KLF12: variants seen among roughly 807,000 people sequenced by gnomAD.
The protein encoded by KLF12 is Krueppel-like factor 12.
A neutral mutation model predicts 37.8 loss-of-function variants in KLF12; 9 were observed. The ratio of observed to expected loss-of-function variants is 0.24; its 90% CI spans 0.14 to 0.42. The LOEUF is 0.42. KLF12 is among the 10% of genes least tolerant of loss of function. The pLI is 1.00. For synonymous variants in KLF12, 208 were observed against 202.1 expected, an observed-to-expected ratio of 1.03 and a Z score of -0.25; for missense variants, 411 against 516.0, an observed-to-expected ratio of 0.80 and a Z score of 1.97.
At chr13:74,071,425 A>G (rs1244853123) in intron 1 of KLF12, among the ~76,000 whole-genome samples, 1 of 152,032 alleles carries the variant, frequency 6.6e-6, no homozygotes, top group African/African-American at 2.4e-5. Context: ...AGTGGCTTCC[A>G]CCTGTCATCC....
intron 3 of KLF12, among the ~76,000 whole-genome samples, chr13:73,935,013 T>C (rs915027871): frequency 2.0e-5 from 3 of 151,562 alleles, no homozygotes; most frequent in Non-Finnish European, 4.4e-5. Context: ...GCAGTCTTGC[T>C]TTGTCATCCA....
intron 3 of KLF12, among the ~76,000 whole-genome samples, chr13:73,939,730 A>G (rs1890105795): frequency 6.6e-6 from 1 of 152,162 alleles, no homozygotes; most frequent in Non-Finnish European, 1.5e-5. Context: ...TCCATCTTCC[A>G]GGTGAGTAGG....
At chr13:74,247,124 G>T in the KLF12 span, among the ~76,000 whole-genome samples, 1 of 152,168 alleles carries the variant, frequency 6.6e-6, no homozygotes, top group East Asian at 1.9e-4. Flanking sequence ...AATAAATTGA[G>T]GGTGCAGAAA....
chr13:73,843,048 T>C (rs17061565), intron 4 of KLF12, among the ~76,000 whole-genome samples: 3,176 of 152,306 alleles, frequency 0.021, 109 homozygotes, highest in African/African-American at 0.071. Flanking sequence ...ATATGGGATG[T>C]CCTCAAATAA....
At chr13:73,761,657 GT>G (rs1879561673) in intron 6 of KLF12, among the ~76,000 whole-genome samples, 1 of 152,070 alleles carries the variant, frequency 6.6e-6, no homozygotes, top group South Asian at 2.1e-4. Context: ...ACCCCTCTGG[GT>G]TACTCATGCC....
intron 3 of KLF12, among the ~76,000 whole-genome samples, chr13:73,900,649 G>A (rs549628450): frequency 6.6e-5 from 10 of 150,866 alleles, no homozygotes; most frequent in East Asian, 1.9e-4. Flanking sequence ...AAAACTAATC[G>A]TGCATAGTAA....
intron 1 of KLF12, among the ~76,000 whole-genome samples, chr13:74,061,504 A>C (rs1057115575): frequency 6.6e-6 from 1 of 152,206 alleles, no homozygotes; most frequent in Non-Finnish European, 1.5e-5. Flanking sequence ...AATTAGACTC[A>C]TCCATCTAAT....
intron 1 of KLF12, among the ~76,000 whole-genome samples, chr13:74,073,436 G>C (rs936464975): frequency 2.6e-5 from 4 of 152,132 alleles, no homozygotes; most frequent in Non-Finnish European, 5.9e-5. Flanking sequence ...TCTAAATCCT[G>C]CTCAATGCTG....
chr13:74,069,884 T>C (rs1199241351), intron 1 of KLF12, among the ~76,000 whole-genome samples: 1 of 152,080 alleles, frequency 6.6e-6, no homozygotes, highest in African/African-American at 2.4e-5. Context: ...AAATAGGAAA[T>C]GAAGGCATTT....
At chr13:73,920,334 A>AT (rs1487288136) in intron 3 of KLF12, among the ~76,000 whole-genome samples, 4 of 150,780 alleles carry the variant, frequency 2.7e-5, no homozygotes, top group Admixed American at 6.6e-5. Flanking sequence ...GTCTTCATAC[A>AT]TTTTTTTTTA....
chr13:74,243,768 C>A, the KLF12 span, among the ~76,000 whole-genome samples: 1 of 152,052 alleles, frequency 6.6e-6, no homozygotes, highest in East Asian at 1.9e-4. Context: ...AAGGAGGTAT[C>A]ATTTGTCCTG....
chr13:73,770,702 T>G (rs1404129258), intron 5 of KLF12, among the ~76,000 whole-genome samples: 1 of 152,008 alleles, frequency 6.6e-6, no homozygotes, highest in Admixed American at 6.6e-5. Flanking sequence ...TTTGTATTTT[T>G]AGTAGAGATG....
chr13:73,930,519 A>C (rs1468343243), intron 3 of KLF12, among the ~76,000 whole-genome samples: 1 of 152,220 alleles, frequency 6.6e-6, no homozygotes, highest in Non-Finnish European at 1.5e-5. Flanking sequence ...ACCATCATTC[A>C]TTTAACTGTC....
At chr13:74,190,307 T>C in the KLF12 span, among the ~76,000 whole-genome samples, 1 of 152,248 alleles carries the variant, frequency 6.6e-6, no homozygotes, top group African/African-American at 2.4e-5. Context: ...AGTTTATATC[T>C]TGAAGAAGCA....
intron 2 of KLF12, among the ~76,000 whole-genome samples, 160 bp from the exon 3 acceptor site, chr13:73,944,230 C>T (rs144628148): frequency 4.1e-4 from 63 of 152,220 alleles, no homozygotes; most frequent in African/African-American, 1.5e-3. Flanking sequence ...CAATTATCCC[C>T]CTACTCTGAA....
the KLF12 span, among the ~76,000 whole-genome samples, chr13:74,275,863 T>TTTCC: frequency 8.7e-6 from 1 of 114,738 alleles, no homozygotes; most frequent in Admixed American, 9.4e-5. Context: ...TCTTTCTTTC[T>TTTCC]TTCTATCTTT....
At chr13:73,887,570 T>G (rs1396963066) in intron 3 of KLF12, among the ~76,000 whole-genome samples, 1 of 152,224 alleles carries the variant, frequency 6.6e-6, no homozygotes, top group Non-Finnish European at 1.5e-5. Flanking sequence ...TGAGCAGATG[T>G]TGGTGCCATG....
the KLF12 span, among the ~76,000 whole-genome samples, chr13:74,150,771 C>A: frequency 1.3e-5 from 2 of 152,150 alleles, no homozygotes; most frequent in African/African-American, 4.8e-5. Flanking sequence ...AAGATGGCTA[C>A]TTTTAAGGGA....
chr13:73,955,893 A>C (rs1890815903), intron 2 of KLF12, among the ~76,000 whole-genome samples: 1 of 152,104 alleles, frequency 6.6e-6, no homozygotes, highest in Non-Finnish European at 1.5e-5. Flanking sequence ...GTGCCATTAC[A>C]CATGTTCCTG....
Sources: gnomAD v4.1 joint callset for allele counts (sites outside exome capture counted in the v4.1 genomes callset) on GRCh38, gnomAD v4.1.1 for gene constraint, MANE v1.5 for transcripts, NCBI Gene and HGNC (gene_info 2026-07-23, HGNC 2026-07-21) for gene names.